C1orf159: variants seen among roughly 807,000 people sequenced by gnomAD.
C1orf159 encodes the protein uncharacterized protein C1orf159.
Under a neutral mutation model 25.6 loss-of-function variants are expected in C1orf159, and 19 were observed. The ratio of observed to expected loss-of-function variants is 0.74; its 90% CI spans 0.52 to 1.09. C1orf159 has a LOEUF of 1.09. Among genes scored for constraint, C1orf159 ranks in the 50% least tolerant of loss-of-function variants. C1orf159 has a pLI of 0.00. For synonymous variants in C1orf159, 139 were observed against 124.7 expected (o/e 1.12, Z -0.77); for missense variants, 274 against 290.6 (o/e 0.94, Z 0.42).
intron 1 of C1orf159, among the ~76,000 whole-genome samples, chr1:1,102,446 G>A (rs1019031707): frequency 6.8e-6 from 1 of 146,858 alleles, no homozygotes; most frequent in Admixed American, 6.9e-5. Context: ...TATTTTCTCT[G>A]TTATTTCCCT....
intron 4 of C1orf159, among the ~76,000 whole-genome samples, 192 bp downstream of exon 4, chr1:1,090,161 C>G (rs1449240857): frequency 6.6e-6 from 1 of 152,226 alleles, no homozygotes; most frequent in African/African-American, 2.4e-5. Flanking sequence ...GAGGCTGCCG[C>G]TCAAGGCCGC....
intron 4 of C1orf159, 120 bp downstream of exon 4, chr1:1,090,233 C>A: frequency 9.6e-7 from 1 of 1,042,800 alleles, no homozygotes; most frequent in Non-Finnish European, 1.4e-6. Flanking sequence ...GCCCCATCCA[C>A]TCCCCAGGTC....
intron 1 of C1orf159, among the ~76,000 whole-genome samples, chr1:1,111,597 ATAAG>A (rs1646257310): frequency 6.6e-6 from 1 of 152,200 alleles, no homozygotes; most frequent in Non-Finnish European, 1.5e-5. Flanking sequence ...GTGATTTTAA[ATAAG>A]TAACATCTTG....
chr1:1,098,505 C>T (rs1202177966), intron 1 of C1orf159, among the ~76,000 whole-genome samples: 2 of 152,222 alleles, frequency 1.3e-5, no homozygotes, highest in African/African-American at 4.8e-5. Flanking sequence ...TTCCTCTGTG[C>T]TCAGAAAGCA....
chr1:1,109,703 A>G (rs932329695), intron 1 of C1orf159, among the ~76,000 whole-genome samples: 12 of 152,156 alleles, frequency 7.9e-5, no homozygotes, highest in African/African-American at 2.7e-4. Context: ...TCCTGGGCTC[A>G]AGCGCTCCTC....
At chr1:1,112,914 G>A (rs533091806) in intron 1 of C1orf159, among the ~76,000 whole-genome samples, 14 of 152,304 alleles carry the variant, frequency 9.2e-5, no homozygotes, top group Middle Eastern at 3.4e-3. Flanking sequence ...TGCCTTAGTC[G>A]GTGGGGTGCG....
intron 1 of C1orf159, among the ~76,000 whole-genome samples, chr1:1,112,558 CA>C (rs1646276496): frequency 1.3e-5 from 2 of 152,242 alleles, no homozygotes; most frequent in Admixed American, 6.5e-5. Flanking sequence ...TCCCTCCCTC[CA>C]GTGAACACAC....
chr1:1,113,284 C>T (rs1270739929), intron 1 of C1orf159, among the ~76,000 whole-genome samples: 1 of 152,098 alleles, frequency 6.6e-6, no homozygotes, highest in Non-Finnish European at 1.5e-5. Flanking sequence ...AGAATCGAGG[C>T]CGCTGCTGAC....
Position 1,102,153 on chromosome 1 carries a change from G to A in C1orf159, c.-135-10050C>T, listed in dbSNP as rs570991994. The stretch of plus-strand genomic sequence containing the variant: ...TTTTATTCTCATTTATCCTGTTTGG[G>A]ATTCTTAAAACTAAACATTTATGTC... On this transcript the variant is annotated intron_variant, in intron 1 of 9. Coordinates refer to ENST00000421241, the MANE Select transcript of C1orf159 (RefSeq NM_017891.5). Among the ~76,000 whole-genome samples the A allele has an allele frequency of 6.6e-5, 10 of 150,810 alleles. No individual in the cohort carries two copies. The South Asian group carries it at 1.9e-3, about 28-fold the overall frequency.
At chr1:1,108,172 A>G (rs113256966) in intron 1 of C1orf159, among the ~76,000 whole-genome samples, 59 of 126,308 alleles carry the variant, frequency 4.7e-4, no homozygotes, top group African/African-American at 5.9e-4. Flanking sequence ...ACCATGTCTC[A>G]GCACCGTTCA....
At chr1:1,112,575 A>C in intron 1 of C1orf159, among the ~76,000 whole-genome samples, 1 of 151,378 alleles carries the variant, frequency 6.6e-6, no homozygotes, top group Non-Finnish European at 1.5e-5. Flanking sequence ...CACACAGCGC[A>C]TGCTCCCTCC....
In C1orf159 at chr1:1,111,826, G is replaced by A. The variant is rs566747979; in HGVS notation, c.-136+4234C>T. ...CGTGTAGCTAATGCTGGTCATCTTCGTAGCAAGCAAAGGAAGCCAACGTGA... is the reference window on the plus strand; with the variant it reads ...CGTGTAGCTAATGCTGGTCATCTTCATAGCAAGCAAAGGAAGCCAACGTGA... On this transcript the variant is annotated intron_variant, in intron 1 of 9. Transcript: ENST00000421241. 3.9e-5 allele frequency among the ~76,000 whole-genome samples: 6 copies of A among 152,308 alleles called. No homozygotes were observed. The South Asian group carries it at 6.2e-4, about 16-fold the overall frequency.
At chr1:1,100,407 AAGG>A (rs1211556566) in intron 1 of C1orf159, among the ~76,000 whole-genome samples, 1 of 152,118 alleles carries the variant, frequency 6.6e-6, no homozygotes, top group Non-Finnish European at 1.5e-5. Context: ...AGTTAAGTAC[AAGG>A]AGTTGTGCCT....
chr1:1,112,573 G>A (rs893443049), intron 1 of C1orf159, among the ~76,000 whole-genome samples: 5 of 150,896 alleles, frequency 3.3e-5, no homozygotes, highest in Non-Finnish European at 5.9e-5. Flanking sequence ...AACACACAGC[G>A]CATGCTCCCT....
At chr1:1,103,703 G>A (rs1646134231) in intron 1 of C1orf159, among the ~76,000 whole-genome samples, 1 of 152,146 alleles carries the variant, frequency 6.6e-6, no homozygotes, top group Non-Finnish European at 1.5e-5. Flanking sequence ...CCTGCTCCTG[G>A]AACAAGGAAG....
chr1:1,090,540 C>T (rs1029332512), intron 3 of C1orf159, 112 bp from the exon 4 acceptor site: 96 of 1,146,898 alleles, frequency 8.4e-5, no homozygotes, highest in African/African-American at 1.7e-4. Flanking sequence ...TCCGCAGCTC[C>T]GGCCTCTTCT....
At chr1:1,090,533 G>T in intron 3 of C1orf159, 105 bp from the exon 4 acceptor site, 1 of 1,184,258 alleles carries the variant, frequency 8.4e-7, no homozygotes, top group Non-Finnish European at 1.2e-6. Flanking sequence ...CTCAATGTCC[G>T]CAGCTCCGGC....
At chr1:1,085,450 G>T in intron 7 of C1orf159, 1 of 287,460 alleles carries the variant, frequency 3.5e-6, no homozygotes. Flanking sequence ...CGTGGCGTAG[G>T]CTGGGGTGTG....
rs1645846865 is a variant in C1orf159, at chr1:1,087,276, G to A, written c.245-72C>T. ...GGGGACACCCACGTGCACCCTGAAG[G>A]GATCTCAGGACGGAAATATGAAAGC... On this transcript the variant is annotated intron_variant, in intron 5 of 9. Coordinates refer to ENST00000421241, the MANE Select transcript of C1orf159 (RefSeq NM_017891.5). The surrounding 1 kb of genome is among the most constrained non-coding windows in gnomAD (Gnocchi z 8.3). The A allele has an allele frequency of 3.5e-6, 5 of 1,428,726 alleles. No homozygotes were observed. The highest frequency in any genetic ancestry group is 2.2e-5 in the Admixed American group (1 of 46,464). 88.5% of individuals were successfully genotyped at this position (1,428,726 alleles called of 1,614,324 possible). A position where few individuals can be genotyped will look rare whatever the true frequency, so the allele number is the denominator to read the frequency against.
Sources: gnomAD v4.1 joint callset for allele counts (sites outside exome capture counted in the v4.1 genomes callset) on GRCh38, gnomAD v4.1.1 for gene constraint, Gnocchi (gnomAD v3.1) non-coding constraint, MANE v1.5 for transcripts, NCBI Gene and HGNC (gene_info 2026-07-23, HGNC 2026-07-21) for gene names.